The following BRCA2 variants were observed in gnomAD, a reference collection of about 807,000 sequenced individuals.
The protein encoded by BRCA2 is BRCA2 DNA repair associated.
Under a neutral mutation model 276.7 loss-of-function variants are expected in BRCA2, and 203 were observed. The observed-to-expected ratio is 0.73, with a 90% confidence interval of 0.65 to 0.82. BRCA2 has a LOEUF of 0.82. Among genes scored for constraint, BRCA2 ranks in the 40% least tolerant of loss-of-function variants. The probability of loss-of-function intolerance (pLI) is 0.00; values close to 1 mark genes in which losing one functional copy is unlikely to be tolerated. For missense variants in BRCA2, 3,920 were observed against 3,915.0 expected, an observed-to-expected ratio of 1.00 and a Z score of -0.03; for synonymous variants, 1,289 against 1,338.4, an observed-to-expected ratio of 0.96 and a Z score of 0.81.
At chr13:32,344,169 A>G (rs2072593432) in intron 11 of BRCA2, among the ~76,000 whole-genome samples, 1 of 92,510 alleles carries the variant, frequency 1.1e-5, no homozygotes, top group African/African-American at 4.6e-5. Context: ...CCGTGCTGAA[A>G]AAAAAAAAAA....
chr13:32,317,446 T>A (rs539310421), intron 2 of BRCA2, among the ~76,000 whole-genome samples: 59 of 152,306 alleles, frequency 3.9e-4, no homozygotes, highest in African/African-American at 1.1e-3. Context: ...TAACCTCACG[T>A]TGAAAAAAGG....
chr13:32,330,868 A>C, intron 8 of BRCA2, 51 bp from the exon 9 acceptor site: 1 of 1,071,882 alleles, frequency 9.3e-7, no homozygotes, highest in Non-Finnish European at 1.4e-6. Context: ...CTACTACTAT[A>C]TGTGCATTGA....
chr13:32,322,588 C>T (rs1247138056), intron 3 of BRCA2, among the ~76,000 whole-genome samples: 4 of 152,184 alleles, frequency 2.6e-5, no homozygotes, highest in African/African-American at 4.8e-5. Context: ...TTTTCTGCCC[C>T]GGGTGGGCCA....
rs876658756 is a variant in BRCA2, at chr13:32,340,049, T to G, written c.5694T>G (p.Asp1898Glu). Residue 1898 changes from aspartate (D) to glutamate (E), a missense_variant, in exon 11 of 27, where the codon GAT becomes GAG. By Grantham distance (45) the Asp-to-Glu change is conservative. This residue lies in a region of BRCA2 where 3,263 missense variants were observed against 3,156.9 expected (regional missense o/e 1.03). Coordinates refer to ENST00000380152, the MANE Select transcript of BRCA2 (RefSeq NM_000059.4). The part of the protein sequence containing the change: ...KIMAGCYEAL[D>E]DSEDILHNSL... ...TGGCAGGTTGTTACGAGGCATTGGA[T>G]GATTCAGAGGATATTCTTCATAACT... 1 of 1,613,746 alleles carries G rather than the reference T, an allele frequency of 6.2e-7. No homozygotes were observed. The highest frequency in any genetic ancestry group is 1.7e-4 in the Middle Eastern group (1 of 6,060).
rs578115371 is a variant in BRCA2, at chr13:32,329,775, C to A, written c.681+283C>A. On this transcript the variant is annotated intron_variant, in intron 8 of 26. Coordinates refer to ENST00000380152, the MANE Select transcript of BRCA2 (RefSeq NM_000059.4). ...CTTGAAACCTTAGATAGTACCGAAC[C>A]CTATATATATATATTAAAAATGTGT... 9.9e-5 allele frequency among the ~76,000 whole-genome samples: 15 copies of A among 151,170 alleles called. No homozygotes were observed. The South Asian group carries it at 2.7e-3, about 27-fold the overall frequency.
chr13:32,341,161 T>C lies in BRCA2; in HGVS notation c.6806T>C (p.Ile2269Thr), dbSNP rs398122564. The C allele has an allele frequency of 1.9e-6, 3 of 1,613,826 alleles. No homozygotes were observed. The highest frequency in any genetic ancestry group is 1.3e-5 in the African/African-American group (1 of 74,928). The part of the protein sequence containing the change: ...NEEMVLSNSR[I>T]GKRRGEPLIL... Reference sequence around the variant, plus strand: ...GAAATGGTTTTGTCAAATTCAAGAATTGGAAAAAGAAGAGGAGAGCCCCTT... The same window carrying C: ...GAAATGGTTTTGTCAAATTCAAGAACTGGAAAAAGAAGAGGAGAGCCCCTT... Residue 2269 changes from isoleucine (I) to threonine (T), a missense_variant, in exon 11 of 27, where the codon ATT becomes ACT. Physicochemically the swap from Ile to Thr is moderately conservative, Grantham distance 89 (BLOSUM62 -1). This residue lies in a region of BRCA2 where 3,263 missense variants were observed against 3,156.9 expected (regional missense o/e 1.03). Transcript: ENST00000380152.
chr13:32,319,065 T>C lies in BRCA2; in HGVS notation c.68-12T>C, dbSNP rs1220994898. The C allele has an allele frequency of 6.2e-7, 1 of 1,612,258 alleles. No individual in the cohort carries two copies. Among genetic ancestry groups the C allele is most frequent in the South Asian group, 1.1e-5 (1 of 90,552 alleles). On this transcript the variant is annotated splice_polypyrimidine_tract_variant and intron_variant, in intron 2 of 26. Coordinates refer to ENST00000380152, the MANE Select transcript of BRCA2 (RefSeq NM_000059.4). ...CTGGTTAAAACTAAGGTGGGATTTT[T>C]TTTTTAAATAGATTTAGGACCAATA...
intron 18 of BRCA2, among the ~76,000 whole-genome samples, chr13:32,366,123 GA>G (rs1171566873): frequency 2.6e-5 from 4 of 152,080 alleles, no homozygotes; most frequent in African/African-American, 9.7e-5. Flanking sequence ...AAAGTCAAAT[GA>G]AAGCAAAGAA....
Position 32,369,605 on chromosome 13 carries a change from G to A in BRCA2, c.8332-797G>A, listed in dbSNP as rs11571737. Among the ~76,000 whole-genome samples, 310 of 152,212 alleles carry A rather than the reference G, an allele frequency of 2.0e-3. 1 individual carries two copies. Among genetic ancestry groups the A allele is most frequent in the Middle Eastern group, 0.014 (4 of 294 alleles). ...GTTTGTTTTTTGGAGACGGAGGCAC[G>A]CTCTGTCCCCCAGGCTGGAGTGCAG... On this transcript the variant is annotated intron_variant, in intron 18 of 26. Coordinates refer to ENST00000380152, the MANE Select transcript of BRCA2 (RefSeq NM_000059.4).
At chr13:32,345,369 T>TACATA (rs2072604254) in intron 12 of BRCA2, among the ~76,000 whole-genome samples, 1 of 152,044 alleles carries the variant, frequency 6.6e-6, no homozygotes, top group African/African-American at 2.4e-5. Flanking sequence ...GAAAAGGACA[T>TACATA]ACATAACATT....
At position 32,319,147 on chromosome 13, in the gene BRCA2, T is replaced by C. The variant is rs2138704140; in HGVS notation, c.138T>C (p.Pro46=). 6.2e-7 allele frequency: 1 copy of C among 1,614,016 alleles called. No individual in the cohort carries two copies. The highest frequency in any genetic ancestry group is 1.3e-5 in the African/African-American group (1 of 75,050). ...AAGCTCCACCCTATAATTCTGAACC[T>C]GCAGAAGAATCTGAACATAAAAACA... ...SSEAPPYNSE[P]AEESEHKNNN... is the part of the protein sequence containing the mutation. Residue 46 remains proline (P), a synonymous_variant, in exon 3 of 27, where the codon CCT becomes CCC. Coordinates refer to ENST00000380152, the MANE Select transcript of BRCA2 (RefSeq NM_000059.4).
chr13:32,362,105 C>T (rs1000515665), intron 16 of BRCA2, among the ~76,000 whole-genome samples: 1 of 152,126 alleles, frequency 6.6e-6, no homozygotes, highest in Non-Finnish European at 1.5e-5. Context: ...TCACTGCAGC[C>T]TCAACCTCCT....
intron 3 of BRCA2, among the ~76,000 whole-genome samples, chr13:32,323,374 T>G (rs2072320886): frequency 6.6e-6 from 1 of 152,038 alleles, no homozygotes; most frequent in South Asian, 2.1e-4. Context: ...AGGATGGTCT[T>G]GATCTCCTGA....
intron 10 of BRCA2, among the ~76,000 whole-genome samples, chr13:32,333,773 A>AC (rs2072428755): frequency 1.3e-5 from 2 of 150,890 alleles, no homozygotes; most frequent in Non-Finnish European, 3.0e-5. Context: ...CCCCCCACAC[A>AC]CCCCCACCTC....
intron 20 of BRCA2, among the ~76,000 whole-genome samples, chr13:32,376,022 C>T (rs758192327): frequency 6.6e-6 from 1 of 152,066 alleles, no homozygotes; most frequent in Non-Finnish European, 1.5e-5. Flanking sequence ...CATACTGTTG[C>T]GAAAATGGCG....
At chr13:32,336,243 C>T (rs1171179075) in intron 10 of BRCA2, 22 bp from the exon 11 acceptor site, 1 of 1,591,678 alleles carries the variant, frequency 6.3e-7, no homozygotes, top group African/African-American at 1.4e-5. Context: ...TTAATTTTGT[C>T]ACTTTGTGTT....
rs81002858 is a variant in BRCA2 at position 32,326,497 on chromosome 13, A to G, written c.517-2A>G. On this transcript the variant is annotated splice_acceptor_variant, in intron 6 of 26. Transcript: ENST00000380152. LOFTEE classifies it high-confidence loss of function. ...AAAATAAACTATTTTCTTTCCTCCCAGGGTCGTCAGACACCAAAACATATT... is the reference window on the plus strand; with the variant it reads ...AAAATAAACTATTTTCTTTCCTCCCGGGGTCGTCAGACACCAAAACATATT... 14 of 1,598,948 alleles carry G rather than the reference A, an allele frequency of 8.8e-6. No homozygotes were observed. The highest frequency in any genetic ancestry group is 1.2e-5 in the Non-Finnish European group (14 of 1,166,266).
At chr13:32,351,189 C>T (rs2072647750) in intron 13 of BRCA2, among the ~76,000 whole-genome samples, 1 of 152,208 alleles carries the variant, frequency 6.6e-6, no homozygotes, top group Non-Finnish European at 1.5e-5. Flanking sequence ...GCTGCTCACT[C>T]TTTAGTGAGC....
At chr13:32,341,547 C>T (rs1269671129) in intron 11 of BRCA2, among the ~76,000 whole-genome samples, 1 of 152,134 alleles carries the variant, frequency 6.6e-6, no homozygotes, top group African/African-American at 2.4e-5. Context: ...ACAAAACCTG[C>T]ATAATACTAA....
Sources: gnomAD v4.1 joint callset for allele counts (sites outside exome capture counted in the v4.1 genomes callset) on GRCh38, gnomAD v4.1.1 for gene constraint, gnomAD v4.1.1 regional missense constraint, MANE v1.5 for transcripts, NCBI Gene and HGNC (gene_info 2026-07-23, HGNC 2026-07-21) for gene names.